SEC11A: variants seen among roughly 807,000 people sequenced by gnomAD.
The protein encoded by SEC11A is SEC11 homolog A, signal peptidase complex subunit, also known as signal peptidase complex catalytic subunit SEC11A.
A neutral mutation model predicts 25.6 loss-of-function variants in SEC11A; 14 were observed. The ratio of observed to expected loss-of-function variants is 0.55; its 90% confidence interval spans 0.36 to 0.85. The LOEUF is 0.85. Among genes scored for constraint, SEC11A ranks in the 40% least tolerant of loss-of-function variants. The pLI, the probability that SEC11A is intolerant of heterozygous loss-of-function variation, is 0.01. For missense variants in SEC11A, 153 were observed against 222.9 expected (o/e 0.69, Z 2.00); for synonymous variants, 83 against 76.4 (o/e 1.09, Z -0.45).
chr15:84,680,816 T>C lies in SEC11A; in HGVS notation c.328A>G (p.Lys110Glu). Residue 110 changes from lysine (K) to glutamate (E), a missense_variant, in exon 4 of 6, where the codon AAG becomes GAG. Physicochemically the swap from Lys to Glu is moderately conservative, Grantham distance 56. Coordinates refer to ENST00000268220, the MANE Select transcript of SEC11A (RefSeq NM_014300.4). ...TTATTATCTCCTTTGGTCAAAAACT[T>C]GATATGCCCATTTTGCCTTAAAAGA... ...KIHEKQNGHI[K>E]FLTKGDNNAV... The C allele has an allele frequency of 6.2e-7, 1 of 1,609,416 alleles. No homozygotes were observed. The highest frequency in any genetic ancestry group is 8.5e-7 in the Non-Finnish European group (1 of 1,177,032).
chr15:84,715,096 G>C (rs2141935500), intron 1 of SEC11A, among the ~76,000 whole-genome samples: 2 of 152,170 alleles, frequency 1.3e-5, no homozygotes, highest in East Asian at 3.9e-4. Context: ...GGGGAGTAAG[G>C]AAAGGTTGTG....
chr15:84,683,384 A>AAAAC (rs57035460), intron 3 of SEC11A, among the ~76,000 whole-genome samples: 3,436 of 150,758 alleles, frequency 0.023, 50 homozygotes, highest in East Asian at 0.036. Context: ...ATTTGCTGGC[A>AAAAC]AAACAAACAA....
intron 5 of SEC11A, 57 bp downstream of exon 5, chr15:84,670,668 C>T (rs1277446397): frequency 3.4e-6 from 3 of 881,156 alleles, no homozygotes; most frequent in Non-Finnish European, 5.3e-6. Flanking sequence ...GCTTGAGCCA[C>T]TGTGCCTGGC....
At chr15:84,708,473 C>T (rs1898165108) in intron 1 of SEC11A, among the ~76,000 whole-genome samples, 2 of 151,964 alleles carry the variant, frequency 1.3e-5, no homozygotes, top group African/African-American at 4.8e-5. Context: ...ATTTGCTTCA[C>T]ATTTATTCCT....
chr15:84,684,419 T>C (rs1460508755), intron 3 of SEC11A, among the ~76,000 whole-genome samples: 4 of 152,224 alleles, frequency 2.6e-5, no homozygotes, highest in African/African-American at 7.2e-5. Flanking sequence ...ATGTACAACA[T>C]GGATTTGCTT....
chr15:84,703,157 G>A (rs1164533882), intron 1 of SEC11A, among the ~76,000 whole-genome samples: 1 of 152,150 alleles, frequency 6.6e-6, no homozygotes, highest in Non-Finnish European at 1.5e-5. Context: ...CTCCTCTTGA[G>A]TAACAGCTTT....
At chr15:84,690,238 G>T (rs543030145) in intron 2 of SEC11A, among the ~76,000 whole-genome samples, 1 of 152,260 alleles carries the variant, frequency 6.6e-6, no homozygotes, top group East Asian at 1.9e-4. Flanking sequence ...AGTCTCACGA[G>T]ATCTGATGGT....
At chr15:84,705,580 C>T (rs1333033305) in intron 1 of SEC11A, among the ~76,000 whole-genome samples, 7 of 152,014 alleles carry the variant, frequency 4.6e-5, no homozygotes, top group African/African-American at 1.4e-4. Context: ...CCAGACCAGG[C>T]GCAGTGGCTC....
rs1464897665 is a variant in SEC11A at position 84,670,087 on chromosome 15, A to G, written c.490-18T>C. The G allele has an allele frequency of 1.2e-6, 2 of 1,611,196 alleles. No homozygotes were observed. Among genetic ancestry groups the G allele is most frequent in the Non-Finnish European group, 1.7e-6 (2 of 1,178,788 alleles). On this transcript the variant is annotated intron_variant, in intron 5 of 5. Transcript: ENST00000268220. ...ACTGCATACTAGAAAATAAACACAG[A>G]ACCACAAGTCAGAGAAGCGTTGAAA...
At chr15:84,688,115 C>T (rs1362508747) in intron 2 of SEC11A, among the ~76,000 whole-genome samples, 1 of 152,154 alleles carries the variant, frequency 6.6e-6, no homozygotes, top group Non-Finnish European at 1.5e-5. Flanking sequence ...AACTTTAAAA[C>T]AATGCCCTTA....
intron 1 of SEC11A, among the ~76,000 whole-genome samples, chr15:84,697,545 A>G (rs983637685): frequency 2.7e-4 from 41 of 152,220 alleles, no homozygotes; most frequent in African/African-American, 8.7e-4. Flanking sequence ...CAAAACCTAG[A>G]CAGAAGCACA....
At chr15:84,708,633 T>C (rs1487121024) in intron 1 of SEC11A, among the ~76,000 whole-genome samples, 1 of 151,794 alleles carries the variant, frequency 6.6e-6, no homozygotes, top group Non-Finnish European at 1.5e-5. Context: ...AGGTATGAAA[T>C]GGAGTCTCAC....
intron 1 of SEC11A, among the ~76,000 whole-genome samples, chr15:84,706,074 T>C (rs1262516016): frequency 6.6e-6 from 1 of 151,666 alleles, no homozygotes; most frequent in East Asian, 2.0e-4. Flanking sequence ...TGTCCAAAAA[T>C]TTTTTTATTT....
intron 2 of SEC11A, among the ~76,000 whole-genome samples, 158 bp downstream of exon 2, chr15:84,691,377 G>T (rs1897602006): frequency 6.6e-6 from 1 of 152,140 alleles, no homozygotes; most frequent in African/African-American, 2.4e-5. Context: ...CCCAGCCTGA[G>T]AATTTCTTAC....
chr15:84,695,423 A>T (rs1461503351), intron 1 of SEC11A, among the ~76,000 whole-genome samples: 1 of 151,722 alleles, frequency 6.6e-6, no homozygotes, highest in Non-Finnish European at 1.5e-5. Flanking sequence ...AGATCGCACC[A>T]TTGCACTCCA....
chr15:84,710,904 T>C (rs1448974569), intron 1 of SEC11A, among the ~76,000 whole-genome samples: 1 of 151,328 alleles, frequency 6.6e-6, no homozygotes, highest in Non-Finnish European at 1.5e-5. Flanking sequence ...AAACCCCGTC[T>C]CTACTAAAAA....
intron 1 of SEC11A, among the ~76,000 whole-genome samples, chr15:84,707,598 G>C (rs1410356101): frequency 6.6e-6 from 1 of 152,064 alleles, no homozygotes; most frequent in Non-Finnish European, 1.5e-5. Flanking sequence ...TCCAGTTAAG[G>C]AGTAGACACC....
At chr15:84,682,428 A>C (rs947689386) in intron 3 of SEC11A, among the ~76,000 whole-genome samples, 12 of 151,878 alleles carry the variant, frequency 7.9e-5, no homozygotes, top group African/African-American at 2.9e-4. Flanking sequence ...GGTTTACAGG[A>C]ACAGTATTTT....
At chr15:84,699,674 C>T (rs1251563139) in intron 1 of SEC11A, among the ~76,000 whole-genome samples, 1 of 152,052 alleles carries the variant, frequency 6.6e-6, no homozygotes, top group Admixed American at 6.6e-5. Flanking sequence ...CCTGTAATCC[C>T]AGCTCTTAGG....
Sources: allele counts gnomAD v4.1 joint callset (sites outside exome capture counted in the v4.1 genomes callset), GRCh38; gene constraint gnomAD v4.1.1; transcripts MANE v1.5; gene names NCBI Gene and HGNC (gene_info 2026-07-23, HGNC 2026-07-21).